RDX: variants seen among roughly 807,000 people sequenced by gnomAD.
RDX encodes deafness, autosomal recessive 24.
Under a neutral mutation model 83.7 loss-of-function variants are expected in RDX, and 32 were observed. That is an observed-to-expected ratio of 0.38 (90% confidence interval 0.29 to 0.51). The LOEUF is 0.51. RDX is among the 20% of genes least tolerant of loss of function. The probability of loss-of-function intolerance (pLI) is 0.87; values close to 1 mark genes in which losing one functional copy is unlikely to be tolerated. For missense variants in RDX, 600 were observed against 689.9 expected, an observed-to-expected ratio of 0.87 and a Z score of 1.46; for synonymous variants, 229 against 222.7, an observed-to-expected ratio of 1.03 and a Z score of -0.25.
At position 110,236,162 on chromosome 11, in the gene RDX, C is replaced by A. The variant is rs1226107324; in HGVS notation, c.1281G>T (p.Lys427Asn). Reference protein sequence around the residue: ...LAAELAEFTAKIALLEEAKKK... With the variant: ...LAAELAEFTANIALLEEAKKK... ...TCTTGGCTTCCTCTAGAAGTGCAAT[C>A]TTGGCAGTGAATTCAGCAAGTTCTG... Residue 427 changes from lysine (K) to asparagine (N), a missense_variant, in exon 12 of 14, where the codon AAG (lysine) becomes AAT (asparagine). Transcript: ENST00000645495. The A allele has an allele frequency of 6.2e-7, 1 of 1,612,782 alleles. No homozygotes were observed. The highest frequency in any genetic ancestry group is 2.2e-5 in the East Asian group (1 of 44,840).
intron 10 of RDX, among the ~76,000 whole-genome samples, chr11:110,242,159 C>T (rs55648633): frequency 0.041 from 6,169 of 152,046 alleles, 422 homozygotes; most frequent in African/African-American, 0.14. Context: ...TTACTTAAAA[C>T]GGCAAAAAAC....
intron 12 of RDX, among the ~76,000 whole-genome samples, chr11:110,235,447 C>T (rs981476726): frequency 5.3e-5 from 8 of 152,128 alleles, no homozygotes; most frequent in Admixed American, 1.3e-4. Flanking sequence ...TTCTCATTTT[C>T]ACATCCTCAG....
chr11:110,273,890 A>G (rs1272859458), intron 2 of RDX, among the ~76,000 whole-genome samples: 1 of 152,162 alleles, frequency 6.6e-6, no homozygotes, highest in Non-Finnish European at 1.5e-5. Context: ...TTAAAATTTT[A>G]TATTAATACG....
At chr11:110,208,966 C>T (rs1040261061) in intron 14 of RDX, among the ~76,000 whole-genome samples, 2 of 152,164 alleles carry the variant, frequency 1.3e-5, no homozygotes, top group Non-Finnish European at 2.9e-5. Flanking sequence ...CAAAGTAATA[C>T]TTTTAAAAAA....
At chr11:110,295,782 T>C (rs1282628871) in intron 1 of RDX, among the ~76,000 whole-genome samples, 1 of 152,158 alleles carries the variant, frequency 6.6e-6, no homozygotes, top group East Asian at 1.9e-4. Flanking sequence ...CTGAGCGGCC[T>C]CAAGGGCCCG....
At chr11:110,250,469 T>G (rs568353679) in intron 9 of RDX, among the ~76,000 whole-genome samples, 1 of 152,264 alleles carries the variant, frequency 6.6e-6, no homozygotes, top group East Asian at 1.9e-4. Flanking sequence ...CTCGAGGACT[T>G]ACACTGCAAA....
chr11:110,206,108 T>C (rs1284688421), intron 14 of RDX, among the ~76,000 whole-genome samples: 1 of 151,748 alleles, frequency 6.6e-6, no homozygotes, highest in East Asian at 1.9e-4. Flanking sequence ...ATAAAAAAAA[T>C]TAGCTGGGTG....
chr11:110,238,333 C>G (rs571337015), intron 10 of RDX, among the ~76,000 whole-genome samples: 3 of 152,286 alleles, frequency 2.0e-5, no homozygotes, highest in African/African-American at 7.2e-5. Context: ...ACTAAATCAA[C>G]TCTTTTCTTA....
At chr11:110,206,256 C>CA (rs3040335) in intron 14 of RDX, among the ~76,000 whole-genome samples, 12,539 of 110,170 alleles carry the variant, frequency 0.11, 2,109 homozygotes, top group African/African-American at 0.36. Context: ...GAGTCCATCT[C>CA]AAAAAAAAAA....
chr11:110,182,184 G>A (rs747686298), intron 15 of RDX, among the ~76,000 whole-genome samples: 5 of 152,232 alleles, frequency 3.3e-5, no homozygotes, highest in African/African-American at 7.2e-5. Flanking sequence ...ATTCCTTGCC[G>A]CAGTGCTGGG....
intron 10 of RDX, among the ~76,000 whole-genome samples, chr11:110,246,400 T>C (rs990869112): frequency 6.6e-6 from 1 of 152,214 alleles, no homozygotes; most frequent in Non-Finnish European, 1.5e-5. Context: ...TAAATAAGAC[T>C]GAGTATCCCT....
chr11:110,199,882 G>A (rs1348594188), intron 14 of RDX, among the ~76,000 whole-genome samples: 2 of 152,084 alleles, frequency 1.3e-5, no homozygotes, highest in East Asian at 1.9e-4. Flanking sequence ...GAAACTCCAC[G>A]ATTAGAATGT....
At chr11:110,207,124 C>T (rs1042694971) in intron 14 of RDX, among the ~76,000 whole-genome samples, 1 of 152,126 alleles carries the variant, frequency 6.6e-6, no homozygotes, top group Non-Finnish European at 1.5e-5. Flanking sequence ...CAGGTGTGCA[C>T]TACCATGCCC....
rs756952934 is a variant in RDX at position 110,287,702 on chromosome 11, T to C, written c.-64-7946A>G. Among the ~76,000 whole-genome samples the C allele has an allele frequency of 1.4e-4, 21 of 152,290 alleles. No individual in the cohort carries two copies. The South Asian group carries it at 1.7e-3, about 12-fold the overall frequency. The stretch of plus-strand genomic sequence containing the variant: ...GGGTAGTGAATACAGGGAGCATCTG[T>C]AGAATGCTCACTCTCCACTCTGCCT... On this transcript the variant is annotated intron_variant, in intron 1 of 13. Transcript: ENST00000645495.
At chr11:110,289,238 CAA>C (rs753424624) in intron 1 of RDX, among the ~76,000 whole-genome samples, 95 of 54,352 alleles carry the variant, frequency 1.7e-3, no homozygotes, top group African/African-American at 5.4e-3. Flanking sequence ...AACTCTATCT[CAA>C]AAAAAAAAAA....
chr11:110,197,380 C>T (rs1863241022), intron 15 of RDX, among the ~76,000 whole-genome samples: 1 of 152,220 alleles, frequency 6.6e-6, no homozygotes, highest in South Asian at 2.1e-4. Context: ...TTATAATCAA[C>T]TATGGAGAGG....
chr11:110,203,233 C>T (rs2134241896), intron 14 of RDX, among the ~76,000 whole-genome samples: 1 of 151,914 alleles, frequency 6.6e-6, no homozygotes, highest in South Asian at 2.1e-4. Context: ...CTGGAGATGG[C>T]TAATGTTAAG....
downstream of RDX, among the ~76,000 whole-genome samples, chr11:110,224,558 C>A (rs1864369991): frequency 6.6e-6 from 1 of 152,122 alleles, no homozygotes; most frequent in South Asian, 2.1e-4. Flanking sequence ...GGAATTAGAA[C>A]CCAGAACCAA....
chr11:110,240,218 G>A (rs1419447830), intron 10 of RDX, among the ~76,000 whole-genome samples: 1 of 152,118 alleles, frequency 6.6e-6, no homozygotes, highest in Non-Finnish European at 1.5e-5. Flanking sequence ...AAAAATAAAT[G>A]AAATCCTGTC....
Sources: gnomAD v4.1 joint callset for allele counts (sites outside exome capture counted in the v4.1 genomes callset) on GRCh38, gnomAD v4.1.1 for gene constraint, MANE v1.5 for transcripts, NCBI Gene and HGNC (gene_info 2026-07-23, HGNC 2026-07-21) for gene names.